The following JAKMIP1 variants were observed in gnomAD, a reference collection of about 807,000 sequenced individuals.
The protein encoded by JAKMIP1 is janus kinase and microtubule interacting protein 1.
JAKMIP1 carries 33 observed loss-of-function variants against 113.0 expected under a neutral mutation model. The ratio of observed to expected loss-of-function variants is 0.29; its 90% CI spans 0.22 to 0.39. The LOEUF (loss-of-function observed/expected upper bound fraction) is 0.39. Among genes scored for constraint, JAKMIP1 ranks in the 10% least tolerant of loss-of-function variants. The pLI is 1.00. For missense variants in JAKMIP1, 813 were observed against 1,080.5 expected, an observed-to-expected ratio of 0.75 and a Z score of 3.47; for synonymous variants, 480 against 459.9, an observed-to-expected ratio of 1.04 and a Z score of -0.56.
At position 6,076,937 on chromosome 4, in the gene JAKMIP1, T is replaced by C. The variant is rs984992591; in HGVS notation, c.1302+2002A>G. 5.0e-4 allele frequency among the ~76,000 whole-genome samples: 76 copies of C among 152,148 alleles called. No homozygotes were observed. The highest frequency in any genetic ancestry group is 1.7e-3 in the African/African-American group (70 of 41,442). ...GGTGTGAAATTTCCCTGGCCTCATGTTGGTGCTGAGAAAGTTTCAGATTTT... is the reference window on the plus strand; with the variant it reads ...GGTGTGAAATTTCCCTGGCCTCATGCTGGTGCTGAGAAAGTTTCAGATTTT... On this transcript the variant is annotated intron_variant, in intron 8 of 20. Coordinates refer to ENST00000409021, the MANE Select transcript of JAKMIP1 (RefSeq NM_001099433.2). The surrounding 1 kb of genome is among the most constrained non-coding windows in gnomAD (Gnocchi z 4.8).
rs1419422713 is a variant in JAKMIP1 at position 6,040,093 on chromosome 4, A to G, written c.2175+546T>C. ...GAAGGAGAATTTCTCTCGTGCCAGG[A>G]GCACTTAGCTTTGAGTGTGAGGACA... On this transcript the variant is annotated intron_variant, in intron 18 of 20. Transcript: ENST00000409021. This position sits in a 1 kb window ranked among gnomAD's most constrained non-coding sequence, Gnocchi z 5.8. Among the ~76,000 whole-genome samples, 2 of 152,202 alleles carry G rather than the reference A, an allele frequency of 1.3e-5. No individual in the cohort carries two copies. The highest frequency in any genetic ancestry group is 2.4e-5 in the African/African-American group (1 of 41,452).
intron 8 of JAKMIP1, among the ~76,000 whole-genome samples, chr4:6,068,530 A>G (rs1421226954): frequency 6.8e-6 from 1 of 147,996 alleles, no homozygotes; most frequent in African/African-American, 2.5e-5. Context: ...TCAGGTTTTT[A>G]TGCTGGGTAT....
intron 1 of JAKMIP1, among the ~76,000 whole-genome samples, chr4:6,170,003 C>CCCT (rs1724191066): frequency 1.4e-5 from 2 of 142,624 alleles, no homozygotes; most frequent in Non-Finnish European, 3.0e-5. Context: ...ACCACCACCA[C>CCCT]CACCACCCTC....
chr4:6,119,570 CA>C (rs142605287), intron 1 of JAKMIP1, among the ~76,000 whole-genome samples: 4 of 128,506 alleles, frequency 3.1e-5, no homozygotes, highest in East Asian at 2.7e-4. Context: ...ACAACAACAA[CA>C]AAAAAAAACC....
At chr4:6,113,082 C>CT (rs1560207838) in intron 1 of JAKMIP1, 85 bp from the exon 2 acceptor site, 1 of 575,212 alleles carries the variant, frequency 1.7e-6, no homozygotes, top group African/African-American at 1.9e-5. Context: ...GGCCAGGCAC[C>CT]TGCCTCATCT....
chr4:6,153,766 G>A lies in JAKMIP1; in HGVS notation c.-147-40769C>T, dbSNP rs982600614. On this transcript the variant is annotated intron_variant, in intron 1 of 20. Transcript: ENST00000409021. This position sits in a 1 kb window ranked among gnomAD's most constrained non-coding sequence, Gnocchi z 4.9. Reference sequence around the variant, plus strand: ...ATATCCCCCAAATCATAGGCTTCAGGTGCTATATTTTATAACTATAAGATA... The same window carrying A: ...ATATCCCCCAAATCATAGGCTTCAGATGCTATATTTTATAACTATAAGATA... Among the ~76,000 whole-genome samples, 1 of 152,012 alleles carries A rather than the reference G, an allele frequency of 6.6e-6. No homozygotes were observed. Among genetic ancestry groups the A allele is most frequent in the African/African-American group, 2.4e-5 (1 of 41,372 alleles).
At chr4:6,175,422 G>A (rs1285595161) in intron 1 of JAKMIP1, among the ~76,000 whole-genome samples, 6 of 152,228 alleles carry the variant, frequency 3.9e-5, no homozygotes, top group African/African-American at 9.6e-5. Flanking sequence ...GGGAGTACAG[G>A]TGAATGCCAT....
At chr4:6,084,729 A>G (rs1463191177) in intron 5 of JAKMIP1, 117 bp downstream of exon 5, 1 of 1,071,618 alleles carries the variant, frequency 9.3e-7, no homozygotes, top group Non-Finnish European at 1.3e-6. Flanking sequence ...AGTAAGAAGG[A>G]AAGTTCAGAG....
At position 6,168,915 on chromosome 4, in the gene JAKMIP1, A is replaced by T. The variant is rs1321799521; in HGVS notation, c.-148+31338T>A. Among the ~76,000 whole-genome samples, 6 of 133,052 alleles carry T rather than the reference A, an allele frequency of 4.5e-5. No individual in the cohort carries two copies. Among genetic ancestry groups the T allele is most frequent in the Admixed American group, 1.4e-4 (2 of 14,048 alleles). 87.3% of individuals were successfully genotyped at this position (133,052 alleles called of 152,430 possible). On this transcript the variant is annotated intron_variant, in intron 1 of 20. Coordinates refer to ENST00000409021, the MANE Select transcript of JAKMIP1 (RefSeq NM_001099433.2). This position sits in a 1 kb window ranked among gnomAD's most constrained non-coding sequence, Gnocchi z 4.6. ...GAGCCTGTCTCAAAAAATAAAAACA[A>T]AAAAAAAAATCATAGGGACAAGAAG...
Position 6,185,564 on chromosome 4 carries a change from C to T in JAKMIP1, c.-148+14689G>A, listed in dbSNP as rs890789851. ...TTGGGAGGCTGAGGCAGGAGAATGGCGTGAACCTGGGAGGCGGAGCTTGCA... is the reference window on the plus strand; with the variant it reads ...TTGGGAGGCTGAGGCAGGAGAATGGTGTGAACCTGGGAGGCGGAGCTTGCA... On this transcript the variant is annotated intron_variant, in intron 1 of 20. Coordinates refer to ENST00000409021, the MANE Select transcript of JAKMIP1 (RefSeq NM_001099433.2). The surrounding 1 kb of genome is among the most constrained non-coding windows in gnomAD (Gnocchi z 5.3). Among the ~76,000 whole-genome samples the T allele has an allele frequency of 3.3e-5, 5 of 152,200 alleles. No individual in the cohort carries two copies. Among genetic ancestry groups the T allele is most frequent in the African/African-American group, 9.7e-5 (4 of 41,446 alleles).
Position 6,088,788 on chromosome 4 carries a change from T to C in JAKMIP1, c.625-3159A>G, listed in dbSNP as rs6826603. 3.9e-3 allele frequency among the ~76,000 whole-genome samples: 588 copies of C among 152,300 alleles called. 9 individuals carry two copies. The highest frequency in any genetic ancestry group is 0.013 in the African/African-American group (549 of 41,556). On this transcript the variant is annotated intron_variant, in intron 3 of 20. Coordinates refer to ENST00000409021, the MANE Select transcript of JAKMIP1 (RefSeq NM_001099433.2). This position sits in a 1 kb window ranked among gnomAD's most constrained non-coding sequence, Gnocchi z 5.5. The stretch of plus-strand genomic sequence containing the variant: ...TATCTCGCTGCCCTTGGGATGCTGA[T>C]GAAATCTCAAGCTTCCTGGAACTGC...
At position 6,060,568 on chromosome 4, in the gene JAKMIP1, A is replaced by G. The variant is rs1343860961; in HGVS notation, c.1561-61T>C. On this transcript the variant is annotated intron_variant, in intron 10 of 20. Transcript: ENST00000409021. ...CTCCAATGGGTGACAGGGAAGCGGA[A>G]AGCGTCATGCCCCAATGCAAGCAAT... 4 of 1,265,232 alleles carry G rather than the reference A, an allele frequency of 3.2e-6. No homozygotes were observed. In the African/African-American group the frequency reaches 5.9e-5, roughly 19 times the overall value. The allele number at this position is 1,265,232 out of a possible 1,614,324, so 78.4% of individuals were successfully genotyped here.
intron 1 of JAKMIP1, among the ~76,000 whole-genome samples, chr4:6,145,536 T>TATATA (rs746032490): frequency 2.6e-5 from 4 of 152,046 alleles, no homozygotes; most frequent in Non-Finnish European, 5.9e-5. Context: ...CACTTCTGGG[T>TATATA]ATATATTCAA....
rs1718190621 is a variant in JAKMIP1, at chr4:6,129,348, T to C, written c.-147-16351A>G. Among the ~76,000 whole-genome samples, 1 of 152,242 alleles carries C rather than the reference T, an allele frequency of 6.6e-6. No individual in the cohort carries two copies. Among genetic ancestry groups the C allele is most frequent in the Non-Finnish European group, 1.5e-5 (1 of 68,044 alleles). On this transcript the variant is annotated intron_variant, in intron 1 of 20. Transcript: ENST00000409021. This position sits in a 1 kb window ranked among gnomAD's most constrained non-coding sequence, Gnocchi z 5.4. Reference sequence around the variant, plus strand: ...GCCAGGAACCATTGATATTTAAATGTGGCCTTTGGCTAAATGGTAAGGTAC... The same window carrying C: ...GCCAGGAACCATTGATATTTAAATGCGGCCTTTGGCTAAATGGTAAGGTAC...
intron 18 of JAKMIP1, among the ~76,000 whole-genome samples, chr4:6,037,514 C>T (rs1315400145): frequency 7.0e-6 from 1 of 143,118 alleles, no homozygotes; most frequent in Non-Finnish European, 1.5e-5. Context: ...CAGAGGTTAA[C>T]CCAGTAGCCC....
intron 12 of JAKMIP1, among the ~76,000 whole-genome samples, chr4:6,055,867 T>A (rs1716338633): frequency 1.4e-5 from 2 of 142,494 alleles, no homozygotes; most frequent in African/African-American, 5.5e-5. Flanking sequence ...GGGGCAGCCC[T>A]CCTTATTTCT....
At chr4:6,090,448 G>A (rs1175760727) in intron 3 of JAKMIP1, among the ~76,000 whole-genome samples, 2 of 152,182 alleles carry the variant, frequency 1.3e-5, no homozygotes, top group African/African-American at 2.4e-5. Context: ...CAGAACCGTA[G>A]AGAAAATAAA....
chr4:6,113,508 G>A lies in JAKMIP1; in HGVS notation c.-147-511C>T, dbSNP rs111689729. ...CCACACTTAGAGAAATGGACTTTTC[G>A]ATTTCAGAGGTTAGTGGTTTCCTTC... On this transcript the variant is annotated intron_variant, in intron 1 of 20. Transcript: ENST00000409021. 3.2e-3 allele frequency among the ~76,000 whole-genome samples: 485 copies of A among 152,296 alleles called. 6 individuals are homozygous for A. The highest frequency in any genetic ancestry group is 0.011 in the African/African-American group (457 of 41,572).
intron 1 of JAKMIP1, among the ~76,000 whole-genome samples, chr4:6,118,780 C>A (rs1381738467): frequency 6.6e-6 from 1 of 152,116 alleles, no homozygotes; most frequent in African/African-American, 2.4e-5. Flanking sequence ...AGCTTCTGGC[C>A]AATGAGGGCT....
Sources: allele counts gnomAD v4.1 joint callset (sites outside exome capture counted in the v4.1 genomes callset), GRCh38; gene constraint gnomAD v4.1.1; non-coding constraint Gnocchi (gnomAD v3.1); transcripts MANE v1.5; gene names NCBI Gene and HGNC (gene_info 2026-07-23, HGNC 2026-07-21).